Variants in ADAMTS6 observed in about 807,000 individuals in gnomAD.
ADAMTS6 encodes A disintegrin and metalloproteinase with thrombospondin motifs 6.
A neutral mutation model predicts 144.3 loss-of-function variants in ADAMTS6; 23 were observed. That is an observed-to-expected ratio of 0.16 (90% CI 0.11 to 0.23). The LOEUF (loss-of-function observed/expected upper bound fraction) is 0.23, where lower values mean the gene tolerates loss of function less well. ADAMTS6 is among the 10% of genes least tolerant of loss of function. ADAMTS6 has a pLI of 1.00. For missense variants in ADAMTS6, 999 were observed against 1,379.6 expected, an observed-to-expected ratio of 0.72 and a Z score of 4.37; for synonymous variants, 444 against 457.5, an observed-to-expected ratio of 0.97 and a Z score of 0.38.
intron 22 of ADAMTS6, among the ~76,000 whole-genome samples, chr5:65,175,666 C>T (rs1753931448): frequency 6.6e-6 from 1 of 151,488 alleles, no homozygotes; most frequent in South Asian, 2.1e-4. Flanking sequence ...GAGGAAACCT[C>T]ATTGTGAGCA....
intron 21 of ADAMTS6, among the ~76,000 whole-genome samples, chr5:65,193,451 C>T (rs1268620198): frequency 1.3e-5 from 2 of 151,996 alleles, no homozygotes; most frequent in Non-Finnish European, 1.5e-5. Context: ...GTAGTACAAA[C>T]AGCCACTAAA....
At chr5:65,402,642 G>A (rs566349164) in intron 7 of ADAMTS6, among the ~76,000 whole-genome samples, 7 of 151,878 alleles carry the variant, frequency 4.6e-5, no homozygotes, top group African/African-American at 7.2e-5. Context: ...CACATACTCC[G>A]CCCTCCTTGC....
intron 11 of ADAMTS6, among the ~76,000 whole-genome samples, chr5:65,286,540 T>A (rs550163093): frequency 6.6e-6 from 1 of 152,190 alleles, no homozygotes; most frequent in Non-Finnish European, 1.5e-5. Context: ...AAATTTCCCA[T>A]AAATAAACAA....
intron 9 of ADAMTS6, among the ~76,000 whole-genome samples, chr5:65,304,198 A>G (rs1400561393): frequency 6.6e-6 from 1 of 152,222 alleles, no homozygotes; most frequent in Non-Finnish European, 1.5e-5. Context: ...CATTTCAAAC[A>G]TAAGAAATCC....
At chr5:65,168,866 T>C (rs1445446172) in intron 24 of ADAMTS6, among the ~76,000 whole-genome samples, 1 of 146,780 alleles carries the variant, frequency 6.8e-6, no homozygotes, top group African/African-American at 2.5e-5. Flanking sequence ...CTTCCTTACA[T>C]CTTATACAAA....
intron 7 of ADAMTS6, among the ~76,000 whole-genome samples, chr5:65,373,795 GA>G (rs1751224321): frequency 6.6e-6 from 1 of 152,068 alleles, no homozygotes. Flanking sequence ...GCCGGGCAGA[GA>G]CACAACCAAA....
intron 7 of ADAMTS6, among the ~76,000 whole-genome samples, chr5:65,388,209 C>T (rs1299665259): frequency 9.2e-5 from 14 of 151,654 alleles, no homozygotes; most frequent in Non-Finnish European, 1.5e-5. Context: ...ACTCCAACCC[C>T]CCCAAAAAAA....
chr5:65,415,732 G>T, intron 7 of ADAMTS6: 1 of 233,388 alleles, frequency 4.3e-6, no homozygotes, highest in South Asian at 4.9e-5. Flanking sequence ...TGTTGCCACT[G>T]GGGACTATAA....
intron 10 of ADAMTS6, among the ~76,000 whole-genome samples, chr5:65,293,388 A>C (rs1742513898): frequency 1.3e-5 from 2 of 152,166 alleles, no homozygotes; most frequent in African/African-American, 4.8e-5. Flanking sequence ...TTACAATGGC[A>C]TAACCAAAAA....
rs1156672309 is a variant in ADAMTS6, at chr5:65,481,442, T to G, written c.-379A>C. 1 of 151,962 alleles carries G rather than the reference T, an allele frequency of 6.6e-6. No homozygotes were observed. The highest frequency in any genetic ancestry group is 1.5e-5 in the Non-Finnish European group (1 of 67,994). The allele number at this position is 151,962 out of a possible 1,614,324, so 9.4% of individuals were successfully genotyped here. ...CTCTCCTCTCTAACTTTTTTTAATT[T>G]TTTTTATTTTTTTATTTTTTGCCCC... On this transcript the variant is annotated 5_prime_UTR_variant, in exon 1 of 25. Coordinates refer to ENST00000381055, the MANE Select transcript of ADAMTS6 (RefSeq NM_197941.4).
chr5:65,280,613 C>T (rs771998644), intron 11 of ADAMTS6, among the ~76,000 whole-genome samples: 3 of 152,166 alleles, frequency 2.0e-5, no homozygotes, highest in Admixed American at 2.0e-4. Context: ...GTGCATTATA[C>T]TGGCATCATT....
intron 7 of ADAMTS6, among the ~76,000 whole-genome samples, chr5:65,380,484 G>A (rs1354211132): frequency 1.3e-5 from 2 of 152,098 alleles, no homozygotes; most frequent in Non-Finnish European, 2.9e-5. Context: ...GCTGAGGCAG[G>A]AGAATCACTT....
intron 13 of ADAMTS6, 103 bp from the exon 14 acceptor site, chr5:65,260,766 A>C (rs761189621): frequency 1.7e-5 from 13 of 779,900 alleles, no homozygotes; most frequent in Non-Finnish European, 2.4e-5. Flanking sequence ...CTTTCAAAAA[A>C]TATATCATTT....
chr5:65,163,236 T>G (rs569567889), intron 24 of ADAMTS6, among the ~76,000 whole-genome samples: 2 of 152,238 alleles, frequency 1.3e-5, no homozygotes, highest in Admixed American at 1.3e-4. Flanking sequence ...TTAAAGATAA[T>G]TTAAAAGATA....
In ADAMTS6 at chr5:65,305,041, A is replaced by C. The variant is rs145739509; in HGVS notation, c.1224-4910T>G. 4.9e-3 allele frequency among the ~76,000 whole-genome samples: 748 copies of C among 151,970 alleles called. 4 individuals carry two copies. The highest frequency in any genetic ancestry group is 0.014 in the South Asian group (68 of 4,828). ...CTAATTAGACCATTGTATGACAGCT[A>C]TATAAGACAATATATTTTGTTCTTA... is the stretch of plus-strand genomic sequence containing the variant. On this transcript the variant is annotated intron_variant, in intron 9 of 24. Transcript: ENST00000381055.
chr5:65,232,560 C>T (rs1758338438), intron 15 of ADAMTS6, among the ~76,000 whole-genome samples: 1 of 151,688 alleles, frequency 6.6e-6, no homozygotes, highest in Admixed American at 6.6e-5. Flanking sequence ...CATGAGACTG[C>T]TATGAACACT....
At chr5:65,277,391 T>C (rs1210415224) in intron 11 of ADAMTS6, among the ~76,000 whole-genome samples, 1 of 152,172 alleles carries the variant, frequency 6.6e-6, no homozygotes, top group Non-Finnish European at 1.5e-5. Context: ...GATAAAGTTT[T>C]TAATGTTCTT....
chr5:65,274,004 G>T (rs946118123), intron 11 of ADAMTS6, among the ~76,000 whole-genome samples: 1 of 152,028 alleles, frequency 6.6e-6, no homozygotes, highest in East Asian at 1.9e-4. Flanking sequence ...ATCTAACAAC[G>T]TTATTTTCAG....
At chr5:65,424,174 C>A (rs1003132203) in intron 7 of ADAMTS6, among the ~76,000 whole-genome samples, 1 of 152,322 alleles carries the variant, frequency 6.6e-6, no homozygotes, top group East Asian at 1.9e-4. Context: ...TTCCTCACCA[C>A]CCCTCTTCCT....
Sources: allele counts gnomAD v4.1 joint callset (sites outside exome capture counted in the v4.1 genomes callset), GRCh38; gene constraint gnomAD v4.1.1; transcripts MANE v1.5; gene names NCBI Gene and HGNC (gene_info 2026-07-23, HGNC 2026-07-21).